ENOX1: variants seen among roughly 807,000 people sequenced by gnomAD.
ENOX1 encodes the protein ecto-NOX disulfide-thiol exchanger 1.
ENOX1 carries 42 observed loss-of-function variants against 82.5 expected under a neutral mutation model. That is an observed-to-expected ratio of 0.51 (90% CI 0.40 to 0.66). The LOEUF (loss-of-function observed/expected upper bound fraction) is 0.66. ENOX1 is among the 30% of genes least tolerant of loss of function. ENOX1 has a pLI of 0.00. For missense variants in ENOX1, 608 were observed against 811.6 expected (o/e 0.75, Z 3.05); for synonymous variants, 271 against 282.2 (o/e 0.96, Z 0.40).
At chr13:43,473,429 A>C (rs1358547198) in intron 3 of ENOX1, among the ~76,000 whole-genome samples, 4 of 152,194 alleles carry the variant, frequency 2.6e-5, no homozygotes, top group African/African-American at 9.6e-5. Context: ...GGTAACTAAC[A>C]GTCTTTTGTG....
intron 8 of ENOX1, among the ~76,000 whole-genome samples, chr13:43,345,542 G>A (rs1172567488): frequency 6.6e-6 from 1 of 152,158 alleles, no homozygotes; most frequent in Non-Finnish European, 1.5e-5. Context: ...AAAGAAAACA[G>A]ACTTGCCTAT....
chr13:43,655,232 A>C (rs1427181246), intron 2 of ENOX1, among the ~76,000 whole-genome samples: 10 of 152,204 alleles, frequency 6.6e-5, no homozygotes, highest in Non-Finnish European at 1.5e-4. Flanking sequence ...GGTTTAGCAA[A>C]GTTCTATGTT....
At chr13:43,710,273 C>T (rs2153813031) in intron 1 of ENOX1, among the ~76,000 whole-genome samples, 1 of 152,112 alleles carries the variant, frequency 6.6e-6, no homozygotes, top group Non-Finnish European at 1.5e-5. Flanking sequence ...GTCTGGATAA[C>T]ATATTTCCTA....
intron 3 of ENOX1, among the ~76,000 whole-genome samples, chr13:43,413,621 T>C (rs935913632): frequency 4.6e-5 from 7 of 151,096 alleles, no homozygotes. Context: ...TTTCAGCTCA[T>C]TGGAAAGATA....
chr13:43,519,333 C>T (rs938068397), intron 2 of ENOX1, among the ~76,000 whole-genome samples: 6 of 152,172 alleles, frequency 3.9e-5, no homozygotes, highest in African/African-American at 1.4e-4. Context: ...TATTGGCTTA[C>T]AGGACTGCAT....
chr13:43,583,524 C>T (rs184762849), intron 2 of ENOX1, among the ~76,000 whole-genome samples: 53 of 152,220 alleles, frequency 3.5e-4, no homozygotes, highest in Admixed American at 2.4e-3. Context: ...CCTTAACCTC[C>T]GCTAATTTTG....
intron 2 of ENOX1, among the ~76,000 whole-genome samples, chr13:43,518,276 C>T (rs948755197): frequency 6.6e-6 from 1 of 152,016 alleles, no homozygotes; most frequent in Non-Finnish European, 1.5e-5. Flanking sequence ...CCAATGTAAT[C>T]ATCAATATTA....
At chr13:43,409,952 C>A (rs932882320) in intron 5 of ENOX1, among the ~76,000 whole-genome samples, 3 of 152,068 alleles carry the variant, frequency 2.0e-5, no homozygotes, top group Non-Finnish European at 4.4e-5. Context: ...TGAAGGGAAG[C>A]CCAGAAAGAC....
intron 2 of ENOX1, among the ~76,000 whole-genome samples, chr13:43,549,486 C>T (rs76910528): frequency 0.013 from 1,906 of 152,280 alleles, 34 homozygotes; most frequent in African/African-American, 0.044. Flanking sequence ...TCATCTCTAA[C>T]TTCATTTATA....
intron 3 of ENOX1, among the ~76,000 whole-genome samples, chr13:43,431,901 A>G (rs1008560320): frequency 2.0e-5 from 3 of 151,856 alleles, no homozygotes; most frequent in Admixed American, 1.3e-4. Flanking sequence ...ACCCTCGAAC[A>G]CCTCCTTTAC....
chr13:43,701,542 T>A (rs1201626214), intron 1 of ENOX1, among the ~76,000 whole-genome samples: 1 of 152,208 alleles, frequency 6.6e-6, no homozygotes, highest in Non-Finnish European at 1.5e-5. Context: ...GTATTGTGTA[T>A]TTTATTGTGT....
At chr13:43,233,339 A>G (rs1440746246) in intron 15 of ENOX1, among the ~76,000 whole-genome samples, 2 of 152,244 alleles carry the variant, frequency 1.3e-5, no homozygotes, top group East Asian at 3.8e-4. Flanking sequence ...TTAATTGTCA[A>G]GAAGAAAGTC....
At chr13:43,372,450 G>A (rs550466421) in intron 5 of ENOX1, among the ~76,000 whole-genome samples, 5 of 152,270 alleles carry the variant, frequency 3.3e-5, no homozygotes, top group East Asian at 1.9e-4. Flanking sequence ...ATAACACAGA[G>A]GGGCAGTAGG....
intron 2 of ENOX1, among the ~76,000 whole-genome samples, chr13:43,658,610 C>G (rs2084561524): frequency 6.6e-6 from 1 of 152,194 alleles, no homozygotes; most frequent in South Asian, 2.1e-4. Flanking sequence ...AAAGCCTCCC[C>G]AAGATCTGTA....
chr13:43,365,577 G>A (rs559538665), intron 5 of ENOX1, among the ~76,000 whole-genome samples: 4 of 152,316 alleles, frequency 2.6e-5, no homozygotes, highest in South Asian at 4.1e-4. Context: ...CAGCCCAGGG[G>A]AAATAAAGTT....
At chr13:43,645,153 T>C (rs1173206678) in intron 2 of ENOX1, among the ~76,000 whole-genome samples, 1 of 152,162 alleles carries the variant, frequency 6.6e-6, no homozygotes, top group East Asian at 1.9e-4. Flanking sequence ...TTAGCCAAAA[T>C]ATTTATTTAT....
Position 43,305,861 on chromosome 13 carries a change from C to G in ENOX1, c.1262-7331G>C, listed in dbSNP as rs370135302. On this transcript the variant is annotated intron_variant, in intron 11 of 16. Coordinates refer to ENST00000690772, the MANE Select transcript of ENOX1 (RefSeq NM_001347969.2). ...AGGTGAGGATGCCTTTAGAGTCCTC[C>G]GGGAAACACATCAGAAGTGAACGCT... is the stretch of plus-strand genomic sequence containing the variant. Among the ~76,000 whole-genome samples, 74 of 152,282 alleles carry G rather than the reference C, an allele frequency of 4.9e-4. No homozygotes were observed. In the South Asian group the frequency reaches 0.015, roughly 32 times the overall value.
chr13:43,364,180 G>A (rs534330006), intron 5 of ENOX1, among the ~76,000 whole-genome samples: 5 of 152,200 alleles, frequency 3.3e-5, no homozygotes, highest in South Asian at 2.1e-4. Context: ...TAAAGCAAAC[G>A]CACAAACTGA....
intron 14 of ENOX1, among the ~76,000 whole-genome samples, chr13:43,237,187 A>C (rs1449978411): frequency 6.6e-6 from 1 of 152,236 alleles, no homozygotes; most frequent in Non-Finnish European, 1.5e-5. Context: ...GAATTGTTAG[A>C]AGTGTTTTTA....
Sources: allele counts gnomAD v4.1 joint callset (sites outside exome capture counted in the v4.1 genomes callset), GRCh38; gene constraint gnomAD v4.1.1; transcripts MANE v1.5; gene names NCBI Gene and HGNC (gene_info 2026-07-23, HGNC 2026-07-21).